RAB2A: variants seen among roughly 807,000 people sequenced by gnomAD.
RAB2A encodes the protein RAB2A, member RAS oncogene family.
In RAB2A, 7 loss-of-function variants were observed where a neutral mutation model predicts 32.5. The ratio of observed to expected loss-of-function variants is 0.22; its 90% CI spans 0.12 to 0.40. The LOEUF (loss-of-function observed/expected upper bound fraction) is 0.40, where lower values mean the gene tolerates loss of function less well. RAB2A is among the 10% of genes least tolerant of loss of function. The pLI, the probability that RAB2A is intolerant of heterozygous loss-of-function variation, is 1.00. For missense variants in RAB2A, 108 were observed against 260.7 expected, an observed-to-expected ratio of 0.41 and a Z score of 4.03; for synonymous variants, 79 against 85.2, an observed-to-expected ratio of 0.93 and a Z score of 0.40.
chr8:60,517,454 C>T (rs951305366), intron 1 of RAB2A, among the ~76,000 whole-genome samples: 4 of 152,168 alleles, frequency 2.6e-5, no homozygotes, highest in African/African-American at 9.7e-5. Flanking sequence ...GTCTGCGGCC[C>T]CCGACCCGGC....
At chr8:60,535,141 C>T (rs1048118557) in intron 1 of RAB2A, among the ~76,000 whole-genome samples, 1 of 152,192 alleles carries the variant, frequency 6.6e-6, no homozygotes, top group Non-Finnish European at 1.5e-5. Flanking sequence ...GTCTGTTTCA[C>T]AGTGCATTAT....
chr8:60,524,362 C>T (rs1223883707), intron 1 of RAB2A, among the ~76,000 whole-genome samples: 1 of 149,754 alleles, frequency 6.7e-6, no homozygotes, highest in African/African-American at 2.5e-5. Flanking sequence ...CCTTCTGGCC[C>T]AGCTGTGCTT....
rs1253466209 is a variant in RAB2A, at chr8:60,618,619, CAAG to C, written c.518_520del (p.Glu173del). On this transcript the variant is annotated inframe_deletion, in exon 7 of 8. Transcript: ENST00000262646. ...AGCAAAAGAAATTTATGAAAAAATTCAAGAAGGAGTCTTTGACATTAATAATGA... is the reference window on the plus strand; with the variant it reads ...AGCAAAAGAAATTTATGAAAAAATTCAAGGAGTCTTTGACATTAATAATGA... 8.3e-7 allele frequency: 1 copy of C among 1,202,752 alleles called. No individual in the cohort carries two copies. The highest frequency in any genetic ancestry group is 1.1e-6 in the Non-Finnish European group (1 of 898,616). 74.5% of individuals were successfully genotyped at this position (1,202,752 alleles called of 1,614,324 possible). A position where few individuals can be genotyped will look rare whatever the true frequency, so the allele number is the denominator to read the frequency against.
At position 60,517,217 on chromosome 8, in the gene RAB2A, G is replaced by A. The variant is rs1287211224; in HGVS notation, c.10G>A (p.Ala4Thr). 2 of 1,489,390 alleles carry A rather than the reference G, an allele frequency of 1.3e-6. No individual in the cohort carries two copies. Among genetic ancestry groups the A allele is most frequent in the Non-Finnish European group, 8.9e-7 (1 of 1,118,514 alleles). 92.3% of individuals were successfully genotyped at this position (1,489,390 alleles called of 1,614,324 possible). MAYAYLFKYIIIGD... is the reference protein window; with the variant it reads MAYTYLFKYIIIGD... ...CTGAGCGGCCGCGGCCATGGCGTAC[G>A]CCTATCTCTTCAAGTACATCATAAT... Residue 4 changes from alanine (A) to threonine (T), a missense_variant, in exon 1 of 8, where the codon GCC (alanine) becomes ACC (threonine). Around this residue, in one of 4 missense-constraint regions of RAB2A, gnomAD observed 5 missense variants for 16.3 expected, o/e 0.31. Transcript: ENST00000262646.
At chr8:60,538,722 C>T (rs1251190457) in intron 1 of RAB2A, among the ~76,000 whole-genome samples, 1 of 152,148 alleles carries the variant, frequency 6.6e-6, no homozygotes, top group Admixed American at 6.5e-5. Context: ...TGAAGGAGTG[C>T]TGGGGGCAGA....
chr8:60,613,654 T>C (rs1435579199), intron 6 of RAB2A, among the ~76,000 whole-genome samples: 1 of 152,194 alleles, frequency 6.6e-6, no homozygotes, highest in African/African-American at 2.4e-5. Context: ...ATTTTAAAGG[T>C]CTAACTTCAT....
At position 60,558,845 on chromosome 8, in the gene RAB2A, C is replaced by T. The variant is rs1534849; in HGVS notation, c.47-7C>T. On this transcript the variant is annotated splice_region_variant and splice_polypyrimidine_tract_variant and intron_variant, in intron 1 of 7. Coordinates refer to ENST00000262646, the MANE Select transcript of RAB2A (RefSeq NM_002865.3). ...TTGTCTCTTATTTATTTTTTTTTAA[C>T]TTTCAGGTGTTGGTAAATCATGCTT... 1.4e-3 allele frequency: 2,306 copies of T among 1,605,516 alleles called. 28 individuals carry two copies. In the African/African-American group the frequency reaches 0.026, roughly 18 times the overall value.
intron 3 of RAB2A, among the ~76,000 whole-genome samples, chr8:60,581,405 A>G (rs1378106287): frequency 5.3e-5 from 8 of 152,232 alleles, no homozygotes; most frequent in Admixed American, 6.5e-5. Context: ...GATGATTCAC[A>G]TCCCCAGCAG....
intron 4 of RAB2A, 91 bp downstream of exon 4, chr8:60,584,381 C>T (rs1486407500): frequency 3.6e-5 from 40 of 1,125,792 alleles, no homozygotes; most frequent in Non-Finnish European, 5.2e-5. Flanking sequence ...ATAGCTTAGC[C>T]TTTCTGCCCC....
chr8:60,612,508 A>G (rs1291842173), intron 6 of RAB2A, among the ~76,000 whole-genome samples: 1 of 152,228 alleles, frequency 6.6e-6, no homozygotes, highest in East Asian at 1.9e-4. Context: ...GGATGTAGGA[A>G]GTATATGCTT....
intron 1 of RAB2A, among the ~76,000 whole-genome samples, chr8:60,547,848 C>T (rs1425291193): frequency 8.3e-6 from 1 of 119,982 alleles, no homozygotes; most frequent in Non-Finnish European, 1.7e-5. Flanking sequence ...CCCCACCTCC[C>T]TCCTGGACGG....
chr8:60,577,229 T>C (rs1026769027), intron 3 of RAB2A, among the ~76,000 whole-genome samples: 1 of 151,894 alleles, frequency 6.6e-6, no homozygotes, highest in Admixed American at 6.6e-5. Flanking sequence ...TTTTTAATTT[T>C]GTAGAGATGG....
rs1586111216 is a variant in RAB2A, at chr8:60,605,686, G to A, written c.475-12894G>A. ...TTTGATGACTGCCCTGCTGGGTTTT[G>A]AACTTGTATGGCACCTATAGCCCCT... On this transcript the variant is annotated intron_variant, in intron 6 of 7. Transcript: ENST00000262646. Among the ~76,000 whole-genome samples, 3 of 152,140 alleles carry A rather than the reference G, an allele frequency of 2.0e-5. No homozygotes were observed. The Middle Eastern group carries it at 0.01, about 517-fold the overall frequency.
At chr8:60,614,445 T>TCTTA (rs1338324403) in intron 6 of RAB2A, among the ~76,000 whole-genome samples, 2 of 151,854 alleles carry the variant, frequency 1.3e-5, no homozygotes, top group Non-Finnish European at 2.9e-5. Context: ...GAGACAGGGG[T>TCTTA]CTTACTACAT....
intron 6 of RAB2A, among the ~76,000 whole-genome samples, chr8:60,606,218 A>G (rs1804230895): frequency 6.6e-6 from 1 of 152,130 alleles, no homozygotes; most frequent in Non-Finnish European, 1.5e-5. Context: ...GTAAAGACTC[A>G]TAGGCAAAAG....
At chr8:60,589,709 T>A (rs1803910651) in intron 5 of RAB2A, among the ~76,000 whole-genome samples, 1 of 152,150 alleles carries the variant, frequency 6.6e-6, no homozygotes. Context: ...AACAATATGA[T>A]GTAATGCCTG....
intron 5 of RAB2A, among the ~76,000 whole-genome samples, chr8:60,588,182 C>G (rs1007375755): frequency 2.0e-5 from 3 of 152,072 alleles, no homozygotes; most frequent in Non-Finnish European, 2.9e-5. Context: ...ACTCCAGAGG[C>G]TGAGGTGGTA....
At position 60,535,628 on chromosome 8, in the gene RAB2A, T is replaced by G. The variant is rs2130813413; in HGVS notation, c.46+18375T>G. Among the ~76,000 whole-genome samples, 4 of 152,324 alleles carry G rather than the reference T, an allele frequency of 2.6e-5. No individual in the cohort carries two copies. In the South Asian group the frequency reaches 8.3e-4, roughly 32 times the overall value. ...TAACAGAAACCAACTCTGGTTAATG[T>G]AAACAGAAGATTTGATTGGAAATAT... On this transcript the variant is annotated intron_variant, in intron 1 of 7. Transcript: ENST00000262646.
chr8:60,564,710 C>A (rs968905870), intron 2 of RAB2A, among the ~76,000 whole-genome samples: 1 of 152,110 alleles, frequency 6.6e-6, no homozygotes, highest in African/African-American at 2.4e-5. Flanking sequence ...TCATACCCAT[C>A]CTCCCACCTA....
Sources: allele counts gnomAD v4.1 joint callset (sites outside exome capture counted in the v4.1 genomes callset), GRCh38; gene constraint gnomAD v4.1.1; regional missense constraint gnomAD v4.1.1; transcripts MANE v1.5; gene names NCBI Gene and HGNC (gene_info 2026-07-23, HGNC 2026-07-21).